CMC1: variants seen among roughly 807,000 people sequenced by gnomAD.
CMC1 encodes the protein COX assembly mitochondrial protein homolog.
Under a neutral mutation model 14.1 loss-of-function variants are expected in CMC1, and 14 were observed. That is an observed-to-expected ratio of 0.99 (90% CI 0.66 to 1.55). The LOEUF is 1.55. Among genes scored for constraint, CMC1 ranks in the 40% most tolerant of loss-of-function variants. The probability of loss-of-function intolerance (pLI) is 0.00; values close to 1 mark genes in which losing one functional copy is unlikely to be tolerated. For synonymous variants in CMC1, 50 were observed against 38.4 expected (o/e 1.30, Z -1.12); for missense variants, 127 against 123.8 (o/e 1.03, Z -0.12).
chr3:28,307,059 A>G (rs1188377563), intron 2 of CMC1, among the ~76,000 whole-genome samples: 8 of 152,140 alleles, frequency 5.3e-5, no homozygotes, highest in African/African-American at 1.7e-4. Context: ...TACAAATACT[A>G]TTTCCTTTTA....
chr3:28,305,388 A>C (rs111800441), intron 2 of CMC1, among the ~76,000 whole-genome samples: 22 of 152,312 alleles, frequency 1.4e-4, no homozygotes, highest in African/African-American at 5.3e-4. Context: ...CAATAAACAT[A>C]CAAGGGCAAG....
At chr3:28,271,009 C>CA (rs1220000964) in intron 2 of CMC1, among the ~76,000 whole-genome samples, 1 of 148,650 alleles carries the variant, frequency 6.7e-6, no homozygotes, top group Non-Finnish European at 1.5e-5. Flanking sequence ...TGCAACCCTG[C>CA]AACCTCTGCC....
At position 28,319,675 on chromosome 3, in the gene CMC1, C is replaced by A; in HGVS notation, c.*46C>A. Reference sequence around the variant, plus strand: ...CAGGAACTCTAATATTCATGGAAGTCATTTTATAGTCCTTAAATAATGGAC... The same window carrying A: ...CAGGAACTCTAATATTCATGGAAGTAATTTTATAGTCCTTAAATAATGGAC... On this transcript the variant is annotated 3_prime_UTR_variant, in exon 4 of 4. Transcript: ENST00000466830. The A allele has an allele frequency of 2.6e-6, 4 of 1,520,014 alleles. No individual in the cohort carries two copies. The South Asian group carries it at 5.1e-5, about 19-fold the overall frequency. 94.2% of individuals were successfully genotyped at this position (1,520,014 alleles called of 1,614,324 possible). A position where few individuals can be genotyped will look rare whatever the true frequency, so the allele number is the denominator to read the frequency against.
At chr3:28,294,794 T>C (rs1221668480) in intron 2 of CMC1, among the ~76,000 whole-genome samples, 2 of 152,116 alleles carry the variant, frequency 1.3e-5, no homozygotes, top group Non-Finnish European at 2.9e-5. Flanking sequence ...ACTTAGGTTC[T>C]TAGTGCATTT....
intron 1 of CMC1, among the ~76,000 whole-genome samples, chr3:28,250,424 G>A (rs1699074628): frequency 6.6e-6 from 1 of 152,190 alleles, no homozygotes; most frequent in Admixed American, 6.5e-5. Flanking sequence ...TTGAACTAGA[G>A]TTTGGCTTTA....
At chr3:28,259,572 AT>A (rs1369663106) in intron 1 of CMC1, among the ~76,000 whole-genome samples, 6 of 151,728 alleles carry the variant, frequency 4.0e-5, no homozygotes, top group African/African-American at 9.7e-5. Flanking sequence ...TTTTACATGC[AT>A]TTTTTTTGTT....
chr3:28,297,654 TC>T (rs1406662458), intron 2 of CMC1, among the ~76,000 whole-genome samples: 1 of 152,060 alleles, frequency 6.6e-6, no homozygotes. Context: ...GTTTTGTTTT[TC>T]CTCTGCAGTG....
chr3:28,291,597 G>A (rs1170156833), intron 2 of CMC1, among the ~76,000 whole-genome samples: 1 of 152,102 alleles, frequency 6.6e-6, no homozygotes, highest in Non-Finnish European at 1.5e-5. Context: ...TTCTAATAGA[G>A]TGTGACATTT....
rs1577001323 is a variant in CMC1, at chr3:28,263,277, C to A, written c.20-14C>A. ...GCTTGAGACTTTATTAAAGAAAGAT[C>A]TTTTTTTTTTCAGACCAGCATCTCA... On this transcript the variant is annotated splice_polypyrimidine_tract_variant and intron_variant, in intron 1 of 3. Transcript: ENST00000466830. 1.4e-6 allele frequency: 2 copies of A among 1,418,870 alleles called. No homozygotes were observed. Among genetic ancestry groups the A allele is most frequent in the South Asian group, 1.3e-5 (1 of 77,184 alleles). 87.9% of individuals were successfully genotyped at this position (1,418,870 alleles called of 1,614,324 possible).
intron 2 of CMC1, among the ~76,000 whole-genome samples, chr3:28,286,961 T>C (rs1004492062): frequency 6.6e-5 from 10 of 152,242 alleles, no homozygotes; most frequent in Non-Finnish European, 1.5e-5. Flanking sequence ...ATCCCAGTTT[T>C]GTAATATACA....
intron 2 of CMC1, among the ~76,000 whole-genome samples, chr3:28,313,006 G>A (rs1462647661): frequency 6.6e-6 from 1 of 152,006 alleles, no homozygotes; most frequent in Admixed American, 6.6e-5. Flanking sequence ...ACAGGCGCCT[G>A]CCACCATGCC....
intron 2 of CMC1, chr3:28,316,062 T>A (rs1157583927): frequency 4.3e-6 from 1 of 230,300 alleles, no homozygotes; most frequent in South Asian, 1.5e-4. Flanking sequence ...CTCTCCCTCT[T>A]CTCAAATCAC....
rs1434422910 is a variant in CMC1, at chr3:28,283,473, T to G, written c.109+20093T>G. 2.7e-5 allele frequency among the ~76,000 whole-genome samples: 4 copies of G among 150,130 alleles called. No individual in the cohort carries two copies. In the Admixed American group the frequency reaches 2.7e-4, roughly 10 times the overall value. On this transcript the variant is annotated intron_variant, in intron 2 of 3. Transcript: ENST00000466830. ...AGTGGAGGTTGTGGTGAGCTGAGAT[T>G]GCACCATTGCATTCCAGCTTGAGCA...
At chr3:28,273,672 G>T (rs1008218267) in intron 2 of CMC1, among the ~76,000 whole-genome samples, 8 of 152,212 alleles carry the variant, frequency 5.3e-5, no homozygotes, top group Non-Finnish European at 1.2e-4. Flanking sequence ...TTTCTGTCTC[G>T]ATGATCTGTC....
At chr3:28,307,415 G>T (rs1383027669) in intron 2 of CMC1, among the ~76,000 whole-genome samples, 1 of 152,152 alleles carries the variant, frequency 6.6e-6, no homozygotes, top group Non-Finnish European at 1.5e-5. Flanking sequence ...TGTAGTCCTA[G>T]CTACTCGGGA....
intron 2 of CMC1, among the ~76,000 whole-genome samples, chr3:28,298,999 A>C (rs1701888425): frequency 6.6e-6 from 1 of 152,078 alleles, no homozygotes; most frequent in African/African-American, 2.4e-5. Flanking sequence ...GAGCATAATC[A>C]GTCTCTAATA....
chr3:28,283,529 A>T, intron 2 of CMC1, among the ~76,000 whole-genome samples: 1 of 118,358 alleles, frequency 8.4e-6, no homozygotes, highest in African/African-American at 3.1e-5. Flanking sequence ...AACAGCAACA[A>T]CAACAACAAC....
intron 1 of CMC1, among the ~76,000 whole-genome samples, chr3:28,247,016 A>G (rs191171125): frequency 1.8e-4 from 27 of 151,950 alleles, no homozygotes; most frequent in Admixed American, 1.6e-3. Flanking sequence ...AATCGTTTGT[A>G]CTCTGTTAAT....
chr3:28,270,920 C>CTTTTTTTTTT (rs71087680), intron 2 of CMC1, among the ~76,000 whole-genome samples: 6 of 83,738 alleles, frequency 7.2e-5, no homozygotes, highest in Non-Finnish European at 9.0e-5. Context: ...GAGTTAATTT[C>CTTTTTTTTTT]TTTTTTTTTT....
Sources: allele counts gnomAD v4.1 joint callset (sites outside exome capture counted in the v4.1 genomes callset), GRCh38; gene constraint gnomAD v4.1.1; transcripts MANE v1.5; gene names NCBI Gene and HGNC (gene_info 2026-07-23, HGNC 2026-07-21).